CACNA2D3: variants seen among roughly 807,000 people sequenced by gnomAD.
CACNA2D3 encodes calcium voltage-gated channel auxiliary subunit alpha2delta 3, also known as voltage-dependent calcium channel subunit alpha-2/delta-3.
A neutral mutation model predicts 160.6 loss-of-function variants in CACNA2D3; 60 were observed. That is an observed-to-expected ratio of 0.37 (90% CI 0.30 to 0.46). The LOEUF is 0.46. CACNA2D3 is among the 20% of genes least tolerant of loss of function. The pLI, the probability that CACNA2D3 is intolerant of heterozygous loss-of-function variation, is 1.00. For synonymous variants in CACNA2D3, 558 were observed against 492.9 expected (o/e 1.13, Z -1.75); for missense variants, 1,205 against 1,365.0 (o/e 0.88, Z 1.85).
intron 4 of CACNA2D3, among the ~76,000 whole-genome samples, chr3:54,492,097 T>G (rs1316913697): frequency 6.6e-6 from 1 of 152,178 alleles, no homozygotes; most frequent in African/African-American, 2.4e-5. Context: ...AGGCCAGAGC[T>G]GCTGGATTCT....
At chr3:54,758,856 A>G (rs1403952008) in intron 12 of CACNA2D3, among the ~76,000 whole-genome samples, 1 of 152,114 alleles carries the variant, frequency 6.6e-6, no homozygotes, top group African/African-American at 2.4e-5. Flanking sequence ...TACACCCGTC[A>G]CTCCAAAGAT....
chr3:54,224,390 G>A (rs754835462), intron 2 of CACNA2D3, among the ~76,000 whole-genome samples: 1 of 152,048 alleles, frequency 6.6e-6, no homozygotes, highest in African/African-American at 2.4e-5. Context: ...CAAGTATTAT[G>A]TACTGTACGT....
At chr3:54,500,394 A>T (rs2106939294) in intron 4 of CACNA2D3, among the ~76,000 whole-genome samples, 1 of 152,202 alleles carries the variant, frequency 6.6e-6, no homozygotes, top group African/African-American at 2.4e-5. Flanking sequence ...ATGCTCATTC[A>T]AGGTGATTAT....
At chr3:54,316,274 G>A (rs1394099368) in intron 2 of CACNA2D3, among the ~76,000 whole-genome samples, 1 of 152,104 alleles carries the variant, frequency 6.6e-6, no homozygotes. Context: ...TCTACTGTAG[G>A]TACCTTTTCA....
intron 2 of CACNA2D3, among the ~76,000 whole-genome samples, chr3:54,312,320 C>T (rs988821562): frequency 1.2e-4 from 19 of 152,248 alleles, no homozygotes; most frequent in Admixed American, 5.9e-4. Flanking sequence ...GCCAAGAGAC[C>T]ATGTTAACAT....
chr3:54,451,011 GAT>G (rs1700297038), intron 4 of CACNA2D3, among the ~76,000 whole-genome samples: 1 of 151,980 alleles, frequency 6.6e-6, no homozygotes, highest in Admixed American at 6.6e-5. Flanking sequence ...AAGAGTCATG[GAT>G]ACCAAGTAGG....
intron 5 of CACNA2D3, among the ~76,000 whole-genome samples, chr3:54,521,702 CTATT>C (rs1423106449): frequency 1.3e-5 from 2 of 152,044 alleles, no homozygotes; most frequent in Non-Finnish European, 2.9e-5. Context: ...GGCTTGTGCT[CTATT>C]TGAGTTTTTT....
At chr3:54,855,150 T>C (rs751462797) in intron 17 of CACNA2D3, among the ~76,000 whole-genome samples, 3 of 152,094 alleles carry the variant, frequency 2.0e-5, no homozygotes, top group Non-Finnish European at 4.4e-5. Context: ...ACCCCTCTGA[T>C]CTGGGCTGCG....
chr3:54,587,896 CATTT>C (rs1298915680), intron 9 of CACNA2D3, among the ~76,000 whole-genome samples: 4 of 152,122 alleles, frequency 2.6e-5, no homozygotes, highest in Non-Finnish European at 1.5e-5. Context: ...TTCTACCAAA[CATTT>C]AAAGAAGAAT....
Position 54,384,060 on chromosome 3 carries a change from A to G in CACNA2D3, c.322-2655A>G, listed in dbSNP as rs144803307. Reference sequence around the variant, plus strand: ...TCATGGTGATTTCAACTTGCCTATTATTTTCATCCTGTTCTCTTTTTTGTT... The same window carrying G: ...TCATGGTGATTTCAACTTGCCTATTGTTTTCATCCTGTTCTCTTTTTTGTT... On this transcript the variant is annotated intron_variant, in intron 3 of 37. Transcript: ENST00000474759. Among the ~76,000 whole-genome samples, 1,508 of 152,086 alleles carry G rather than the reference A, an allele frequency of 9.9e-3. 14 individuals are homozygous for G. Among genetic ancestry groups the G allele is most frequent in the Middle Eastern group, 0.017 (5 of 294 alleles).
At chr3:54,875,615 C>T (rs753850815) in intron 18 of CACNA2D3, 1 of 152,194 alleles carries the variant, frequency 6.6e-6, no homozygotes, top group Non-Finnish European at 1.5e-5. Context: ...GAGTAGCAGA[C>T]TAACAATGAA....
chr3:54,926,499 G>T (rs1397954374), intron 27 of CACNA2D3, among the ~76,000 whole-genome samples: 1 of 116,160 alleles, frequency 8.6e-6, no homozygotes, highest in Non-Finnish European at 1.8e-5. Context: ...TCCACTGCCT[G>T]TCAAATACAC....
chr3:54,768,266 T>C (rs190253487), intron 13 of CACNA2D3, among the ~76,000 whole-genome samples: 33 of 152,264 alleles, frequency 2.2e-4, no homozygotes, highest in African/African-American at 7.9e-4. Context: ...TCCTCAAAAT[T>C]AGCACCACCA....
At chr3:54,372,492 A>G (rs1575420438) in intron 3 of CACNA2D3, among the ~76,000 whole-genome samples, 3 of 152,296 alleles carry the variant, frequency 2.0e-5, no homozygotes, top group South Asian at 2.1e-4. Context: ...TGCACGGGGT[A>G]CAGGTGAGCA....
intron 11 of CACNA2D3, among the ~76,000 whole-genome samples, chr3:54,723,005 C>G (rs644714): frequency 6.6e-6 from 1 of 152,070 alleles, no homozygotes; most frequent in African/African-American, 2.4e-5. Flanking sequence ...GCCGCCCCCT[C>G]CGCCAGGTAC....
chr3:54,820,462 C>T (rs1163010266), intron 14 of CACNA2D3, among the ~76,000 whole-genome samples: 1 of 152,086 alleles, frequency 6.6e-6, no homozygotes, highest in Non-Finnish European at 1.5e-5. Flanking sequence ...TTCTGTGGTT[C>T]TTAAGCATCT....
At chr3:54,645,735 C>T (rs1353981841) in intron 11 of CACNA2D3, among the ~76,000 whole-genome samples, 1 of 152,160 alleles carries the variant, frequency 6.6e-6, no homozygotes, top group Non-Finnish European at 1.5e-5. Flanking sequence ...TTGCCTGAGC[C>T]CTAAACTCAA....
At position 54,924,736 on chromosome 3, in the gene CACNA2D3, G is replaced by A. The variant is rs144793991; in HGVS notation, c.2449+24868G>A. On this transcript the variant is annotated intron_variant, in intron 27 of 37. Coordinates refer to ENST00000474759, the MANE Select transcript of CACNA2D3 (RefSeq NM_018398.3). ...CTGGGCATGGATTCCAGGAGCGCTCGATCAAGCTGCTGAAGCTGGTTTTGT... is the reference window on the plus strand; with the variant it reads ...CTGGGCATGGATTCCAGGAGCGCTCAATCAAGCTGCTGAAGCTGGTTTTGT... 461 of 1,614,136 alleles carry A rather than the reference G, an allele frequency of 2.9e-4. 2 individuals carry two copies. The highest frequency in any genetic ancestry group is 3.8e-4 in the South Asian group (35 of 91,072).
At chr3:54,990,327 T>A (rs1702711033) in intron 31 of CACNA2D3, among the ~76,000 whole-genome samples, 1 of 152,064 alleles carries the variant, frequency 6.6e-6, no homozygotes, top group African/African-American at 2.4e-5. Context: ...GGTCAGGAGT[T>A]CAAGACCAGC....
Sources: allele counts gnomAD v4.1 joint callset (sites outside exome capture counted in the v4.1 genomes callset), GRCh38; gene constraint gnomAD v4.1.1; transcripts MANE v1.5; gene names NCBI Gene and HGNC (gene_info 2026-07-23, HGNC 2026-07-21).